Variants in RIMS2 observed in about 807,000 individuals in gnomAD.
The protein encoded by RIMS2 is regulating synaptic membrane exocytosis 2.
A neutral mutation model predicts 174.4 loss-of-function variants in RIMS2; 59 were observed. That is an observed-to-expected ratio of 0.34 (90% CI 0.27 to 0.42). The LOEUF (loss-of-function observed/expected upper bound fraction) is 0.42, where lower values mean the gene tolerates loss of function less well. Among genes scored for constraint, RIMS2 ranks in the 10% least tolerant of loss-of-function variants. The probability of loss-of-function intolerance (pLI) is 1.00; values close to 1 mark genes in which losing one functional copy is unlikely to be tolerated. For missense variants in RIMS2, 1,620 were observed against 1,666.3 expected (o/e 0.97, Z 0.48); for synonymous variants, 606 against 572.5 (o/e 1.06, Z -0.84).
intron 3 of RIMS2, among the ~76,000 whole-genome samples, chr8:103,832,882 G>T (rs1377739511): frequency 6.6e-6 from 1 of 152,142 alleles, no homozygotes; most frequent in Non-Finnish European, 1.5e-5. Flanking sequence ...GCTTTAAGCA[G>T]TCTTATGTAT....
At chr8:104,155,170 G>T (rs1373813977) in intron 19 of RIMS2, among the ~76,000 whole-genome samples, 5 of 151,860 alleles carry the variant, frequency 3.3e-5, no homozygotes, top group Admixed American at 2.6e-4. Flanking sequence ...GCAGTAGTGC[G>T]ATCTCACCTC....
intron 2 of RIMS2, among the ~76,000 whole-genome samples, chr8:103,752,762 G>T (rs1382096063): frequency 1.3e-5 from 2 of 152,160 alleles, no homozygotes; most frequent in African/African-American, 2.4e-5. Flanking sequence ...AAGCATGCTT[G>T]TGATTTTTGT....
rs114002634 is a variant in RIMS2, at chr8:104,187,583, C to T, written c.3335-57333C>T. ...CTGTTCCTTCTTGAAAACTAAATCT[C>T]TTCCAACATTAAAAGCAACACACTT... On this transcript the variant is annotated intron_variant, in intron 19 of 23. Transcript: ENST00000504942. Among the ~76,000 whole-genome samples, 1,081 of 151,870 alleles carry T rather than the reference C, an allele frequency of 7.1e-3. 8 individuals carry two copies. The highest frequency in any genetic ancestry group is 0.018 in the Admixed American group (281 of 15,200).
intron 17 of RIMS2, among the ~76,000 whole-genome samples, chr8:104,004,074 A>G (rs533456626): frequency 1.3e-5 from 2 of 152,248 alleles, no homozygotes; most frequent in South Asian, 2.1e-4. Context: ...TTCTTAGGGG[A>G]GGAATCAGTT....
chr8:103,797,538 A>G (rs779539372), intron 3 of RIMS2, among the ~76,000 whole-genome samples: 10 of 152,192 alleles, frequency 6.6e-5, no homozygotes, highest in Non-Finnish European at 1.0e-4. Flanking sequence ...GAATTTACTT[A>G]AAGAATCTGG....
chr8:103,845,762 C>T (rs1301405785), intron 3 of RIMS2, among the ~76,000 whole-genome samples: 1 of 152,134 alleles, frequency 6.6e-6, no homozygotes, highest in African/African-American at 2.4e-5. Flanking sequence ...CCTAAGACAA[C>T]ATCTCCAGTT....
At chr8:103,684,505 T>C (rs924168244) in intron 1 of RIMS2, among the ~76,000 whole-genome samples, 1 of 152,078 alleles carries the variant, frequency 6.6e-6, no homozygotes, top group Non-Finnish European at 1.5e-5. Flanking sequence ...CATTCATTTA[T>C]ATATTGTTCA....
intron 19 of RIMS2, among the ~76,000 whole-genome samples, chr8:104,185,634 A>G (rs2098963978): frequency 6.6e-6 from 1 of 151,712 alleles, no homozygotes; most frequent in Non-Finnish European, 1.5e-5. Flanking sequence ...ATATGAGACA[A>G]TGCTCATTAT....
intron 19 of RIMS2, among the ~76,000 whole-genome samples, chr8:104,082,944 A>G (rs1399559459): frequency 6.6e-6 from 1 of 152,168 alleles, no homozygotes; most frequent in Non-Finnish European, 1.5e-5. Flanking sequence ...TGAAAAGAAC[A>G]TTACAGACAA....
At chr8:103,704,046 T>C (rs2097196874) in intron 2 of RIMS2, among the ~76,000 whole-genome samples, 1 of 151,852 alleles carries the variant, frequency 6.6e-6, no homozygotes, top group Admixed American at 6.6e-5. Context: ...TGAAAGTGGG[T>C]ATCCTAGACT....
At chr8:103,788,217 T>C (rs1294002506) in intron 3 of RIMS2, among the ~76,000 whole-genome samples, 1 of 150,908 alleles carries the variant, frequency 6.6e-6, no homozygotes, top group Admixed American at 6.6e-5. Context: ...TTGGTTTGAA[T>C]GTCCTCCCAT....
intron 19 of RIMS2, among the ~76,000 whole-genome samples, chr8:104,210,679 A>G (rs1454472226): frequency 6.6e-6 from 1 of 152,180 alleles, no homozygotes; most frequent in Non-Finnish European, 1.5e-5. Flanking sequence ...CTTCTGGATT[A>G]TTGTGTGGAA....
chr8:103,938,031 G>A (rs1157276737), intron 13 of RIMS2, among the ~76,000 whole-genome samples: 1 of 151,872 alleles, frequency 6.6e-6, no homozygotes, highest in Non-Finnish European at 1.5e-5. Context: ...TTTTTTTGTA[G>A]GGATGGGGTC....
At chr8:103,505,402 A>G (rs1452282645) in intron 1 of RIMS2, among the ~76,000 whole-genome samples, 1 of 152,176 alleles carries the variant, frequency 6.6e-6, no homozygotes, top group South Asian at 2.1e-4. Context: ...CTGTGACTGT[A>G]TAGCTGCCTC....
intron 19 of RIMS2, among the ~76,000 whole-genome samples, chr8:104,025,217 G>A (rs542012668): frequency 3.3e-5 from 5 of 152,270 alleles, no homozygotes; most frequent in African/African-American, 9.6e-5. Flanking sequence ...AATAGGCCAG[G>A]TGCAGTGGCT....
chr8:103,645,107 C>T (rs2096300789), intron 1 of RIMS2, among the ~76,000 whole-genome samples: 1 of 151,822 alleles, frequency 6.6e-6, no homozygotes, highest in South Asian at 2.1e-4. Flanking sequence ...ATGTTTTGTT[C>T]TAAAAAGAGA....
intron 1 of RIMS2, among the ~76,000 whole-genome samples, chr8:103,602,282 T>C (rs2094794146): frequency 6.6e-6 from 1 of 152,198 alleles, no homozygotes; most frequent in Admixed American, 6.6e-5. Context: ...CCACCACGCC[T>C]GATCCATGCT....
chr8:103,671,383 T>C lies in RIMS2; in HGVS notation c.177-25703T>C, dbSNP rs559415602. 2.6e-5 allele frequency among the ~76,000 whole-genome samples: 4 copies of C among 152,364 alleles called. No homozygotes were observed. The South Asian group carries it at 8.3e-4, about 32-fold the overall frequency. ...AATTTCAGTGCTGGCTGATTTATTA[T>C]GAAAACCTGGCAAAGTATTTTCTTG... On this transcript the variant is annotated intron_variant, in intron 1 of 23. Coordinates refer to ENST00000504942, the Ensembl canonical transcript of RIMS2.
intron 11 of RIMS2, among the ~76,000 whole-genome samples, chr8:103,930,555 A>T (rs1565373409): frequency 6.6e-6 from 1 of 152,092 alleles, no homozygotes; most frequent in Admixed American, 6.6e-5. Flanking sequence ...CAGCAGTTGG[A>T]TATGAAGTTC....
Sources: gnomAD v4.1 joint callset for allele counts (sites outside exome capture counted in the v4.1 genomes callset) on GRCh38, gnomAD v4.1.1 for gene constraint, MANE v1.5 for transcripts, NCBI Gene and HGNC (gene_info 2026-07-23, HGNC 2026-07-21) for gene names.